Variants in POLK observed in about 807,000 individuals in gnomAD.
POLK encodes polymerase (DNA directed) kappa.
Under a neutral mutation model 94.0 loss-of-function variants are expected in POLK, and 76 were observed. The ratio of observed to expected loss-of-function variants is 0.81; its 90% CI spans 0.67 to 0.98. The LOEUF is 0.98. POLK is among the 50% of genes least tolerant of loss of function. The pLI, the probability that POLK is intolerant of heterozygous loss-of-function variation, is 0.00. For missense variants in POLK, 954 were observed against 1,010.1 expected (o/e 0.94, Z 0.75); for synonymous variants, 349 against 325.4 (o/e 1.07, Z -0.78).
chr5:75,548,580 A>G (rs1444486756), intron 2 of POLK, among the ~76,000 whole-genome samples: 1 of 150,984 alleles, frequency 6.6e-6, no homozygotes, highest in Non-Finnish European at 1.5e-5. Flanking sequence ...TGTTATGTAT[A>G]TTAATAAACA....
chr5:75,560,898 C>T (rs565395201), intron 3 of POLK, among the ~76,000 whole-genome samples: 135 of 152,262 alleles, frequency 8.9e-4, no homozygotes, highest in African/African-American at 3.2e-3. Context: ...GCCACATTTT[C>T]TTTATCCAGT....
chr5:75,607,482 A>G, the POLK span, among the ~76,000 whole-genome samples: 1 of 151,844 alleles, frequency 6.6e-6, no homozygotes, highest in East Asian at 1.9e-4. Flanking sequence ...AAAAAAAAAA[A>G]AAAAGGAAGT....
intron 1 of POLK, among the ~76,000 whole-genome samples, chr5:75,540,262 A>G (rs373776853): frequency 2.0e-5 from 3 of 151,566 alleles, no homozygotes; most frequent in Non-Finnish European, 2.9e-5. Flanking sequence ...GCCCTATCCT[A>G]TTATCCTGGC....
intron 1 of POLK, among the ~76,000 whole-genome samples, chr5:75,527,317 G>A (rs1294001191): frequency 6.6e-6 from 1 of 151,710 alleles, no homozygotes; most frequent in African/African-American, 2.4e-5. Flanking sequence ...GAGTTCTAGA[G>A]CAGCCTGGGC....
At chr5:75,592,137 A>C (rs992385434) in intron 11 of POLK, among the ~76,000 whole-genome samples, 1 of 152,220 alleles carries the variant, frequency 6.6e-6, no homozygotes, top group Admixed American at 6.5e-5. Flanking sequence ...TATAACCATC[A>C]CCACCACCCA....
intron 12 of POLK, among the ~76,000 whole-genome samples, chr5:75,595,513 CA>C (rs765417931): frequency 6.6e-6 from 1 of 151,904 alleles, no homozygotes; most frequent in Non-Finnish European, 1.5e-5. Context: ...TGATTCCAAC[CA>C]TATGAGATTC....
intron 2 of POLK, among the ~76,000 whole-genome samples, chr5:75,548,672 C>T (rs1770178339): frequency 6.6e-6 from 1 of 151,538 alleles, no homozygotes; most frequent in African/African-American, 2.4e-5. Context: ...TGGTGATGTC[C>T]ACAGCAACTT....
At chr5:75,550,146 G>T (rs2112651038) in intron 2 of POLK, among the ~76,000 whole-genome samples, 1 of 152,206 alleles carries the variant, frequency 6.6e-6, no homozygotes, top group East Asian at 1.9e-4. Flanking sequence ...GTATCACCCT[G>T]ATACCAAAGC....
At chr5:75,605,189 G>A (rs1005805728), downstream of POLK, among the ~76,000 whole-genome samples, 2 of 150,844 alleles carry the variant, frequency 1.3e-5, no homozygotes, top group African/African-American at 2.4e-5. Context: ...CTATCATTGA[G>A]TTCTGTCTAC....
exon 13 of POLK, chr5:75,596,299 G>A (rs762283213): frequency 1.9e-6 from 3 of 1,613,470 alleles, no homozygotes; most frequent in Admixed American, 3.3e-5. Context: ...TTTACAGGCT[G>A]GAAACCAAGC....
At chr5:75,596,884 C>G (rs1450771190) in exon 13 of POLK, 2 of 1,613,410 alleles carry the variant, frequency 1.2e-6, no homozygotes, top group African/African-American at 2.7e-5. Flanking sequence ...ATGTTCTAGT[C>G]TCCCAAGCAA....
At chr5:75,601,083 T>C (rs762451839) in exon 15 of POLK, 4 of 152,190 alleles carry the variant, frequency 2.6e-5, no homozygotes, top group Non-Finnish European at 4.4e-5. Flanking sequence ...TTTATACATA[T>C]ATATTTTATA....
intron 5 of POLK, among the ~76,000 whole-genome samples, chr5:75,574,224 A>G (rs1771747110): frequency 6.6e-6 from 1 of 152,154 alleles, no homozygotes; most frequent in Non-Finnish European, 1.5e-5. Flanking sequence ...AACTTACAGA[A>G]TCTACTCATC....
At chr5:75,557,968 T>C (rs1770724062) in intron 3 of POLK, among the ~76,000 whole-genome samples, 1 of 152,130 alleles carries the variant, frequency 6.6e-6, no homozygotes, top group Admixed American at 6.5e-5. Context: ...TTTGTATTTT[T>C]AGTTGAGACA....
intron 1 of POLK, among the ~76,000 whole-genome samples, chr5:75,541,972 AT>A (rs955301208): frequency 4.2e-4 from 64 of 152,354 alleles, no homozygotes; most frequent in African/African-American, 1.5e-3. Context: ...GAAAAAGGAA[AT>A]TTTAAAGTAG....
intron 10 of POLK, among the ~76,000 whole-genome samples, chr5:75,589,106 A>T (rs1205495070): frequency 1.3e-5 from 2 of 152,170 alleles, no homozygotes; most frequent in Non-Finnish European, 2.9e-5. Context: ...AGATTTAGTC[A>T]CATGTCATTT....
chr5:75,562,678 C>T (rs1022430655), intron 3 of POLK, among the ~76,000 whole-genome samples: 18 of 152,098 alleles, frequency 1.2e-4, no homozygotes, highest in East Asian at 3.8e-4. Context: ...TTTTGAGATA[C>T]GTTCCATCAA....
exon 11 of POLK, chr5:75,590,420 C>G: frequency 6.2e-7 from 1 of 1,606,520 alleles, no homozygotes; most frequent in East Asian, 2.2e-5. Flanking sequence ...TGCTCAGGAT[C>G]TACAGAAAGA....
chr5:75,591,177 A>G (rs1465022369), intron 11 of POLK, among the ~76,000 whole-genome samples: 1 of 152,204 alleles, frequency 6.6e-6, no homozygotes, highest in Non-Finnish European at 1.5e-5. Flanking sequence ...TGTTTCTCGC[A>G]TAAAGAAAAT....
Sources: allele counts gnomAD v4.1 joint callset (sites outside exome capture counted in the v4.1 genomes callset), GRCh38; gene constraint gnomAD v4.1.1; transcripts MANE v1.5; gene names NCBI Gene and HGNC (gene_info 2026-07-23, HGNC 2026-07-21).